FN1: variants seen among roughly 807,000 people sequenced by gnomAD.
FN1 encodes the protein fibronectin 1.
A neutral mutation model predicts 297.3 loss-of-function variants in FN1; 106 were observed. The observed-to-expected ratio is 0.36, with a 90% CI of 0.30 to 0.42. The LOEUF (loss-of-function observed/expected upper bound fraction) is 0.42. Ranked by LOEUF, FN1 falls within the 10% of genes least tolerant of loss-of-function variation. The probability of loss-of-function intolerance (pLI) is 1.00; values close to 1 mark genes in which losing one functional copy is unlikely to be tolerated. For synonymous variants in FN1, 1,149 were observed against 1,152.6 expected (o/e 1.00, Z 0.06); for missense variants, 2,690 against 3,124.9 (o/e 0.86, Z 3.32).
intron 25 of FN1, chr2:215,392,020 AC>A: frequency 1.8e-6 from 1 of 562,444 alleles, no homozygotes; most frequent in Non-Finnish European, 3.1e-6. Context: ...GCCCCCTTTA[AC>A]CTTTTTGCCA....
At chr2:215,408,568 GATT>G (rs924529783) in intron 15 of FN1, 142 bp from the exon 16 acceptor site, 56 of 799,360 alleles carry the variant, frequency 7.0e-5, no homozygotes, top group East Asian at 1.4e-4. Flanking sequence ...GCTAATCAGT[GATT>G]ATTATTATTA....
At chr2:215,370,509 A>C in intron 40 of FN1, 77 bp from the exon 41 acceptor site, 1 of 1,180,290 alleles carries the variant, frequency 8.5e-7, no homozygotes, top group Admixed American at 1.8e-5. Flanking sequence ...CTTACCAATA[A>C]CCCTCACTGT....
chr2:215,391,848 G>A, intron 25 of FN1, 34 bp from the exon 26 acceptor site: 1 of 1,598,582 alleles, frequency 6.3e-7, no homozygotes, highest in Non-Finnish European at 8.6e-7. Flanking sequence ...CTCAGTTAAT[G>A]TAATTTTAAA....
At chr2:215,426,704 T>C (rs1575823611) in intron 6 of FN1, among the ~76,000 whole-genome samples, 1 of 152,152 alleles carries the variant, frequency 6.6e-6, no homozygotes, top group Non-Finnish European at 1.5e-5. Context: ...CAGAGCAGGT[T>C]CCATTTTGTT....
At chr2:215,364,832 C>G in intron 44 of FN1, 47 bp downstream of exon 44, 1 of 1,310,192 alleles carries the variant, frequency 7.6e-7, no homozygotes, top group South Asian at 1.3e-5. Flanking sequence ...AGGAGCCCAC[C>G]CTTTATCTTA....
chr2:215,424,753 A>G (rs2065038847), intron 7 of FN1, among the ~76,000 whole-genome samples: 1 of 152,222 alleles, frequency 6.6e-6, no homozygotes, highest in Non-Finnish European at 1.5e-5. Flanking sequence ...CAGAATACAT[A>G]TATTAGGTTA....
rs920403108 is a variant in FN1 at position 215,379,288 on chromosome 2, T to C, written c.5464A>G (p.Thr1822Ala). The C allele has an allele frequency of 2.5e-6, 4 of 1,614,014 alleles. No homozygotes were observed. Among genetic ancestry groups the C allele is most frequent in the South Asian group, 1.1e-5 (1 of 91,078 alleles). The change falls in exon 34 of 46, where the codon ACT becomes GCT. Residue 1822 changes from threonine (T) to alanine (A), a missense_variant. Coordinates refer to ENST00000354785, the MANE Select transcript of FN1 (RefSeq NM_212482.4). ...CTCAGGCTTGTGGGTGTGACCTGAG[T>C]GAACTTCAGGTCAGTTGGTGCAGGA... ...AIPAPTDLKF[T>A]QVTPTSLSAQ...
chr2:215,365,921 T>G (rs2054484986), intron 42 of FN1, among the ~76,000 whole-genome samples: 1 of 150,190 alleles, frequency 6.7e-6, no homozygotes, highest in Admixed American at 6.6e-5. Flanking sequence ...TTATCCTGCC[T>G]CAGCCTCCTG....
intron 26 of FN1, among the ~76,000 whole-genome samples, chr2:215,389,196 T>G (rs916765581): frequency 2.0e-5 from 3 of 152,094 alleles, no homozygotes; most frequent in African/African-American, 7.2e-5. Flanking sequence ...CTCTGCCTCC[T>G]GGGTTCAAGT....
At chr2:215,418,690 G>C (rs1211525804) in intron 12 of FN1, among the ~76,000 whole-genome samples, 2 of 152,166 alleles carry the variant, frequency 1.3e-5, no homozygotes, top group East Asian at 3.8e-4. Flanking sequence ...ATAAACATTT[G>C]AGAGTGTTTG....
chr2:215,410,152 C>CAT lies in FN1; in HGVS notation c.1942-39_1942-38insAT, dbSNP rs748625388. On this transcript the variant is annotated intron_variant, in intron 13 of 45. Coordinates refer to ENST00000354785, the MANE Select transcript of FN1 (RefSeq NM_212482.4). ...ATTAACACACACACACACACACACACGTGTTTACAAGGATGAACATTTGAA... is the reference window on the plus strand; with the variant it reads ...ATTAACACACACACACACACACACACATGTGTTTACAAGGATGAACATTTGAA... The CAT allele has an allele frequency of 4.1e-6, 6 of 1,456,564 alleles. No individual in the cohort carries two copies. The Middle Eastern group carries it at 5.5e-4, about 133-fold the overall frequency. The allele number at this position is 1,456,564 out of a possible 1,614,324, so 90.2% of individuals were successfully genotyped here.
At chr2:215,385,921 G>A (rs1231626027) in intron 28 of FN1, among the ~76,000 whole-genome samples, 1 of 151,612 alleles carries the variant, frequency 6.6e-6, no homozygotes, top group Admixed American at 6.6e-5. Flanking sequence ...GGGACTACAG[G>A]TGCATGCCAC....
rs760565465 is a variant in FN1 at position 215,388,262 on chromosome 2, C to A, written c.4292G>T (p.Ser1431Ile). 1 of 1,614,038 alleles carries A rather than the reference C, an allele frequency of 6.2e-7. No homozygotes were observed. Among genetic ancestry groups the A allele is most frequent in the South Asian group, 1.1e-5 (1 of 91,076 alleles). ...TGTGCTCTCATGTTGTTCGTAGACACTGGAGACACTCACTACATATTCTGT... is the reference window on the plus strand; with the variant it reads ...TGTGCTCTCATGTTGTTCGTAGACAATGGAGACACTCACTACATATTCTGT... ...PGTEYVVSVS[S>I]VYEQHESTPL... Residue 1431 changes from serine (S) to isoleucine (I), a missense_variant, in exon 27 of 46, where the codon AGT (serine) becomes ATT (isoleucine). Physicochemically the swap from Ser to Ile is moderately radical, Grantham distance 142 (BLOSUM62 -2). Coordinates refer to ENST00000354785, the MANE Select transcript of FN1 (RefSeq NM_212482.4).
intron 39 of FN1, 61 bp from the exon 40 acceptor site, chr2:215,372,436 A>C: frequency 1.7e-6 from 2 of 1,206,876 alleles, no homozygotes. Flanking sequence ...AAGTAGCAGC[A>C]ATGATAATAA....
intron 22 of FN1, 44 bp from the exon 23 acceptor site, chr2:215,397,267 T>G: frequency 7.3e-7 from 1 of 1,375,640 alleles, no homozygotes; most frequent in Non-Finnish European, 1.0e-6. Context: ...GACACAAAGC[T>G]CTTGACCTGT....
intron 12 of FN1, among the ~76,000 whole-genome samples, chr2:215,418,297 A>G (rs932041606): frequency 7.2e-5 from 11 of 152,200 alleles, no homozygotes; most frequent in Non-Finnish European, 1.3e-4. Context: ...CAATCTTCCC[A>G]TATTACAGAT....
chr2:215,410,179 A>G, intron 13 of FN1, 65 bp from the exon 14 acceptor site: 1 of 1,479,562 alleles, frequency 6.8e-7, no homozygotes, highest in Non-Finnish European at 9.3e-7. Flanking sequence ...ACATTTGAAG[A>G]TGATGTTCAG....
chr2:215,415,232 T>A (rs1265564303), intron 12 of FN1, among the ~76,000 whole-genome samples: 1 of 152,228 alleles, frequency 6.6e-6, no homozygotes, highest in African/African-American at 2.4e-5. Flanking sequence ...TCTCTTGGCT[T>A]GCTTTTATTT....
intron 6 of FN1, among the ~76,000 whole-genome samples, chr2:215,426,356 G>C: frequency 6.6e-6 from 1 of 151,900 alleles, no homozygotes; most frequent in Non-Finnish European, 1.5e-5. Context: ...CACCGTGTTA[G>C]CCAGGATGGT....
Sources: allele counts gnomAD v4.1 joint callset (sites outside exome capture counted in the v4.1 genomes callset), GRCh38; gene constraint gnomAD v4.1.1; transcripts MANE v1.5; gene names NCBI Gene and HGNC (gene_info 2026-07-23, HGNC 2026-07-21).